Variants in TRIM66 observed in about 807,000 individuals in gnomAD.
TRIM66 encodes tripartite motif containing 66, also known as tripartite motif-containing protein 66.
TRIM66 carries 99 observed loss-of-function variants against 148.2 expected under a neutral mutation model. The observed-to-expected ratio is 0.67, with a 90% CI of 0.57 to 0.79. The LOEUF (loss-of-function observed/expected upper bound fraction) is 0.79. Among genes scored for constraint, TRIM66 ranks in the 30% least tolerant of loss-of-function variants. The probability of loss-of-function intolerance (pLI) is 0.00; values close to 1 mark genes in which losing one functional copy is unlikely to be tolerated. For missense variants in TRIM66, 1,666 were observed against 1,697.9 expected (o/e 0.98, Z 0.33); for synonymous variants, 616 against 635.9 (o/e 0.97, Z 0.47).
At position 8,619,369 on chromosome 11, in the gene TRIM66, C is replaced by A. The variant is rs771479921; in HGVS notation, c.3900+14G>T. The A allele has an allele frequency of 1.4e-6, 2 of 1,433,592 alleles. No individual in the cohort carries two copies. The highest frequency in any genetic ancestry group is 2.8e-5 in the South Asian group (2 of 72,412). The allele number at this position is 1,433,592 out of a possible 1,614,324, so 88.8% of individuals were successfully genotyped here. A position where few individuals can be genotyped will look rare whatever the true frequency, so the allele number is the denominator to read the frequency against. On this transcript the variant is annotated intron_variant, in intron 23 of 24. Coordinates refer to ENST00000646038, the MANE Select transcript of TRIM66 (RefSeq NM_001388022.1). Reference sequence around the variant, plus strand: ...GCAGGGAAATAGGAGAGAGGGAAAACAGGCAAGACATACATAATTGAACTT... The same window carrying A: ...GCAGGGAAATAGGAGAGAGGGAAAAAAGGCAAGACATACATAATTGAACTT...
At chr11:8,669,152 T>C (rs1316384090) in intron 6 of TRIM66, among the ~76,000 whole-genome samples, 2 of 152,160 alleles carry the variant, frequency 1.3e-5, no homozygotes, top group African/African-American at 2.4e-5. Flanking sequence ...AGAGGCCCAA[T>C]ATCATTTGGT....
intron 3 of TRIM66, among the ~76,000 whole-genome samples, chr11:8,677,196 C>G (rs772087972): frequency 6.6e-6 from 1 of 151,942 alleles, no homozygotes; most frequent in Admixed American, 6.6e-5. Context: ...AAAATGTGAG[C>G]GAGAAATAGT....
At chr11:8,678,187 C>T (rs2133562646) in intron 3 of TRIM66, 1 of 152,210 alleles carries the variant, frequency 6.6e-6, no homozygotes, top group African/African-American at 2.4e-5. Context: ...AGTTATTCAA[C>T]AGGAGAAGAA....
chr11:8,632,486 T>C (rs2035504082), intron 15 of TRIM66, among the ~76,000 whole-genome samples: 1 of 137,750 alleles, frequency 7.3e-6, no homozygotes, highest in African/African-American at 2.7e-5. Context: ...GATGGATTCT[T>C]ACTCTGTGGG....
chr11:8,620,925 G>A, intron 20 of TRIM66, 107 bp downstream of exon 20: 1 of 1,402,042 alleles, frequency 7.1e-7, no homozygotes, highest in South Asian at 1.5e-5. Flanking sequence ...AGGTCCAGAA[G>A]AGGGGAGTAA....
At chr11:8,633,675 G>C (rs2035621448) in intron 15 of TRIM66, among the ~76,000 whole-genome samples, 1 of 152,188 alleles carries the variant, frequency 6.6e-6, no homozygotes, top group African/African-American at 2.4e-5. Flanking sequence ...ATGAGGAAAA[G>C]ATTGTCCCTG....
intron 15 of TRIM66, among the ~76,000 whole-genome samples, chr11:8,636,903 C>A (rs2035927630): frequency 6.6e-6 from 1 of 152,160 alleles, no homozygotes; most frequent in Non-Finnish European, 1.5e-5. Flanking sequence ...ATCCCATTCC[C>A]CAGTGCATCT....
At chr11:8,649,133 G>T (rs2037124511) in intron 8 of TRIM66, among the ~76,000 whole-genome samples, 1 of 152,256 alleles carries the variant, frequency 6.6e-6, no homozygotes, top group Non-Finnish European at 1.5e-5. Context: ...GAGGTCAGGG[G>T]TTCAAGACCA....
intron 13 of TRIM66, among the ~76,000 whole-genome samples, chr11:8,642,091 C>T (rs1046389818): frequency 1.3e-5 from 2 of 152,114 alleles, no homozygotes; most frequent in African/African-American, 4.8e-5. Flanking sequence ...CCGGCACTGC[C>T]CCCTGAGGCC....
chr11:8,672,506 G>GGACAGGCTGAGGA, intron 4 of TRIM66, 121 bp from the exon 5 acceptor site: 1 of 1,122,352 alleles, frequency 8.9e-7, no homozygotes, highest in South Asian at 1.8e-5. Flanking sequence ...AAACCAAGAG[G>GGACAGGCTGAGGA]GACAGGCTGA....
chr11:8,678,582 T>C (rs2039286994), intron 3 of TRIM66, among the ~76,000 whole-genome samples: 1 of 152,216 alleles, frequency 6.6e-6, no homozygotes, highest in Non-Finnish European at 1.5e-5. Flanking sequence ...TTACGTATAA[T>C]TTTTCAAGTC....
At chr11:8,669,652 A>T (rs2038814130) in intron 6 of TRIM66, among the ~76,000 whole-genome samples, 1 of 152,002 alleles carries the variant, frequency 6.6e-6, no homozygotes, top group South Asian at 2.1e-4. Context: ...CAAAAAAAAA[A>T]AAAAAAACTC....
chr11:8,665,116 T>A (rs1222350225), intron 6 of TRIM66, among the ~76,000 whole-genome samples: 3 of 143,024 alleles, frequency 2.1e-5, no homozygotes, highest in East Asian at 2.0e-4. Context: ...CATTTTACTT[T>A]AAAAAAAAAA....
At chr11:8,667,670 CCT>C (rs1565569968) in intron 6 of TRIM66, among the ~76,000 whole-genome samples, 1 of 152,176 alleles carries the variant, frequency 6.6e-6, no homozygotes, top group Non-Finnish European at 1.5e-5. Context: ...CAGTACTTGC[CCT>C]GTTATGACAG....
At chr11:8,630,560 T>C (rs1004243588) in intron 15 of TRIM66, among the ~76,000 whole-genome samples, 6 of 152,118 alleles carry the variant, frequency 3.9e-5, no homozygotes, top group African/African-American at 1.4e-4. Flanking sequence ...CCAAAACACA[T>C]TCACTCTGAT....
chr11:8,674,376 T>C (rs2039081378), intron 4 of TRIM66, among the ~76,000 whole-genome samples: 1 of 152,214 alleles, frequency 6.6e-6, no homozygotes. Flanking sequence ...TTTCCTTTTT[T>C]CCATTTATTT....
At chr11:8,676,612 A>G (rs980505550) in intron 3 of TRIM66, among the ~76,000 whole-genome samples, 2 of 152,222 alleles carry the variant, frequency 1.3e-5, no homozygotes, top group African/African-American at 2.4e-5. Flanking sequence ...AGAGCAATTG[A>G]AGTAACTCCA....
intron 12 of TRIM66, among the ~76,000 whole-genome samples, chr11:8,644,926 T>C (rs550518352): frequency 6.6e-6 from 1 of 152,196 alleles, no homozygotes; most frequent in Non-Finnish European, 1.5e-5. Context: ...CCACTTAAAA[T>C]TGGAAACTGT....
chr11:8,635,863 C>G (rs2035834686), intron 15 of TRIM66, among the ~76,000 whole-genome samples: 1 of 152,188 alleles, frequency 6.6e-6, no homozygotes, highest in Non-Finnish European at 1.5e-5. Context: ...TCGCTCAGCT[C>G]CTTTCCTCTG....
Sources: allele counts gnomAD v4.1 joint callset (sites outside exome capture counted in the v4.1 genomes callset), GRCh38; gene constraint gnomAD v4.1.1; transcripts MANE v1.5; gene names NCBI Gene and HGNC (gene_info 2026-07-23, HGNC 2026-07-21).